The following FAM25A variants were observed in gnomAD, a reference collection of about 807,000 sequenced individuals.
The protein encoded by FAM25A is family with sequence similarity 25 member A.
FAM25A carries 5 observed loss-of-function variants against 6.6 expected under a neutral mutation model. The observed-to-expected ratio is 0.75, with a 90% CI of 0.39 to 1.59. The LOEUF (loss-of-function observed/expected upper bound fraction) is 1.59. Ranked by LOEUF, FAM25A falls within the 40% of genes most tolerant of loss-of-function variation. The pLI is 0.02. For missense variants in FAM25A, 93 were observed against 109.7 expected (o/e 0.85, Z 0.68); for synonymous variants, 36 against 41.3 (o/e 0.87, Z 0.49).
intron 2 of FAM25A, 72 bp from the exon 3 acceptor site, chr10:87,024,469 C>T (rs1845359082): frequency 6.5e-7 from 1 of 1,535,248 alleles, no homozygotes; most frequent in Non-Finnish European, 8.7e-7. Context: ...GGCCACATCC[C>T]ACAGGCCACT....
At chr10:87,023,731 A>G (rs940037937) in intron 2 of FAM25A, among the ~76,000 whole-genome samples, 1 of 149,540 alleles carries the variant, frequency 6.7e-6, no homozygotes, top group African/African-American at 2.5e-5. Flanking sequence ...AAAAACAAAA[A>G]CAAACCATAA....
intron 1 of FAM25A, 92 bp downstream of exon 1, chr10:87,020,489 C>T (rs1248298447): frequency 6.8e-7 from 1 of 1,479,252 alleles, no homozygotes; most frequent in African/African-American, 1.4e-5. Context: ...AGGTGAGGAC[C>T]TGGGAGGAGG....
Position 87,020,336 on chromosome 10 carries a change from C to T in FAM25A, c.12C>T (p.Gly4=). The stretch of plus-strand genomic sequence containing the variant: ...TCTGCTGCCACACGATGCTGGGAGG[C>T]CTGGGGAAGCTGGCTGCCGAAGGCC... MLG[G]LGKLAAEGLA... is the part of the protein sequence containing the mutation. Residue 4 remains glycine (G), a synonymous_variant, in exon 1 of 3, where the codon GGC becomes GGT. Coordinates refer to ENST00000343959, the MANE Select transcript of FAM25A (RefSeq NM_001146157.3). 1 of 1,549,506 alleles carries T rather than the reference C, an allele frequency of 6.5e-7. No homozygotes were observed.
chr10:87,022,926 C>CA (rs68049029), intron 2 of FAM25A, among the ~76,000 whole-genome samples: 73 of 119,696 alleles, frequency 6.1e-4, no homozygotes, highest in Middle Eastern at 4.7e-3. Flanking sequence ...GACTCGGTCT[C>CA]AAAAAAAAAA....
chr10:87,024,611 G>A lies in FAM25A; in HGVS notation c.207G>A (p.Val69=), dbSNP rs1845360935. ...DKKMKEITET[V]TNTVTNAITH... ...AGATGAAGGAAATCACTGAGACAGT[G>A]ACCAACACAGTCACAAATGCCATCA... is the stretch of plus-strand genomic sequence containing the variant. Residue 69 remains valine (V), a synonymous_variant, in exon 3 of 3, where the codon GTG becomes GTA. Coordinates refer to ENST00000343959, the MANE Select transcript of FAM25A (RefSeq NM_001146157.3). The A allele has an allele frequency of 6.5e-7, 1 of 1,535,642 alleles. No homozygotes were observed. Among genetic ancestry groups the A allele is most frequent in the Non-Finnish European group, 8.7e-7 (1 of 1,146,900 alleles).
At chr10:87,023,380 T>C (rs1354042462) in intron 2 of FAM25A, among the ~76,000 whole-genome samples, 1 of 152,178 alleles carries the variant, frequency 6.6e-6, no homozygotes, top group Non-Finnish European at 1.5e-5. Flanking sequence ...CATAAATGAA[T>C]TTATTAACTT....
At chr10:87,023,685 C>CA (rs1845352514) in intron 2 of FAM25A, among the ~76,000 whole-genome samples, 1 of 152,222 alleles carries the variant, frequency 6.6e-6, no homozygotes, top group African/African-American at 2.4e-5. Flanking sequence ...TGCACCACTG[C>CA]ACCCCAGCCT....
intron 1 of FAM25A, among the ~76,000 whole-genome samples, chr10:87,021,277 T>C (rs1050936076): frequency 1.3e-5 from 2 of 152,260 alleles, no homozygotes; most frequent in African/African-American, 4.8e-5. Flanking sequence ...TTTTTGACTC[T>C]GCAGCTGGTG....
In FAM25A at chr10:87,023,690, C is replaced by T. The variant is rs147663273; in HGVS notation, c.137-851C>T. Among the ~76,000 whole-genome samples, 1,169 of 152,322 alleles carry T rather than the reference C, an allele frequency of 7.7e-3. 18 individuals are homozygous for T. Among genetic ancestry groups the T allele is most frequent in the African/African-American group, 0.026 (1,098 of 41,560 alleles). On this transcript the variant is annotated intron_variant, in intron 2 of 2. Transcript: ENST00000343959. ...GAGCTGAGATTGCACCACTGCACCC[C>T]AGCCTTGGTGACAGAGCAAGACTCT...
intron 2 of FAM25A, 110 bp downstream of exon 2, chr10:87,022,486 A>G: frequency 8.0e-7 from 1 of 1,247,228 alleles, no homozygotes; most frequent in Non-Finnish European, 1.1e-6. Context: ...CCAATGTTGC[A>G]GCCTTTCAGA....
chr10:87,024,172 A>C (rs1845356784), intron 2 of FAM25A, among the ~76,000 whole-genome samples: 2 of 146,928 alleles, frequency 1.4e-5, no homozygotes, highest in African/African-American at 2.5e-5. Flanking sequence ...AAAAAAAAAA[A>C]CTATAAACCA....
At chr10:87,024,195 A>T (rs749959663) in intron 2 of FAM25A, among the ~76,000 whole-genome samples, 3 of 151,926 alleles carry the variant, frequency 2.0e-5, no homozygotes, top group Non-Finnish European at 2.9e-5. Context: ...CCAAAAGAAA[A>T]ATTACACACT....
chr10:87,022,920 C>T lies in FAM25A; in HGVS notation c.136+544C>T, dbSNP rs190183255. ...CCAGCCTGGGCTACAGAGTGAGACT[C>T]GGTCTCAAAAAAAAAAAAAGAAAAA... is the stretch of plus-strand genomic sequence containing the variant. On this transcript the variant is annotated intron_variant, in intron 2 of 2. Coordinates refer to ENST00000343959, the MANE Select transcript of FAM25A (RefSeq NM_001146157.3). Among the ~76,000 whole-genome samples the T allele has an allele frequency of 8.2e-3, 993 of 120,556 alleles. 10 individuals are homozygous for T. Among genetic ancestry groups the T allele is most frequent in the African/African-American group, 0.03 (919 of 30,912 alleles). 79.1% of individuals were successfully genotyped at this position (120,556 alleles called of 152,430 possible). A position where few individuals can be genotyped will look rare whatever the true frequency, so the allele number is the denominator to read the frequency against.
chr10:87,023,255 T>C (rs957933643), intron 2 of FAM25A, among the ~76,000 whole-genome samples: 5 of 152,252 alleles, frequency 3.3e-5, no homozygotes, highest in East Asian at 1.9e-4. Context: ...TAAAATTCTA[T>C]GTTAAATGTT....
intron 1 of FAM25A, among the ~76,000 whole-genome samples, chr10:87,021,965 C>G (rs1444894694): frequency 6.6e-6 from 1 of 152,224 alleles, no homozygotes; most frequent in African/African-American, 2.4e-5. Flanking sequence ...GGCAAGATGG[C>G]CTGCTCATTG....
At chr10:87,024,159 C>CA (rs68047620) in intron 2 of FAM25A, among the ~76,000 whole-genome samples, 1,841 of 140,138 alleles carry the variant, frequency 0.013, 32 homozygotes, top group African/African-American at 0.042. Flanking sequence ...TTTCTATAGC[C>CA]AAAAAAAAAA....
Position 87,022,319 on chromosome 10 carries a change from G to T in FAM25A, c.79G>T (p.Ala27Ser). The T allele has an allele frequency of 6.5e-7, 1 of 1,548,956 alleles. No homozygotes were observed. The highest frequency in any genetic ancestry group is 8.7e-7 in the Non-Finnish European group (1 of 1,146,670). ...TEKATEGAIH[A>S]VEEVVKEVVG... ...GACTTGTCTCCTCTGTTCAGTTCAT[G>T]CCGTGGAAGAAGTGGTGAAGGAGGT... The change falls in exon 2 of 3, where the codon GCC becomes TCC. Residue 27 changes from alanine to serine, a missense_variant. By Grantham distance (99) the Ala-to-Ser change is moderately conservative. Transcript: ENST00000343959.
At chr10:87,024,101 G>A (rs148969185) in intron 2 of FAM25A, among the ~76,000 whole-genome samples, 3,441 of 151,122 alleles carry the variant, frequency 0.023, 70 homozygotes, top group Middle Eastern at 0.069. Context: ...AAAAAAATCA[G>A]CGCCATAAAG....
In FAM25A at chr10:87,020,375, C is replaced by T. The variant is rs10219136; in HGVS notation, c.51C>T (p.Thr17=). The change falls in exon 1 of 3, where the codon ACC becomes ACT. Residue 17 remains threonine, a synonymous_variant. Transcript: ENST00000343959. ...KLAAEGLAHR[T]EKATEGAIHA... is the part of the protein sequence containing the mutation. ...CTGCCGAAGGCCTGGCCCACCGCAC[C>T]GAGAAGGCCACCGAGGGAGCCAGTG... 1.9e-5 allele frequency: 30 copies of T among 1,549,308 alleles called. No homozygotes were observed. Among genetic ancestry groups the T allele is most frequent in the South Asian group, 1.8e-4 (15 of 83,958 alleles).
Sources: gnomAD v4.1 joint callset for allele counts (sites outside exome capture counted in the v4.1 genomes callset) on GRCh38, gnomAD v4.1.1 for gene constraint, MANE v1.5 for transcripts, NCBI Gene and HGNC (gene_info 2026-07-23, HGNC 2026-07-21) for gene names.